ATP8A2: variants seen among roughly 807,000 people sequenced by gnomAD.
The protein encoded by ATP8A2 is ATPase phospholipid transporting 8A2.
In ATP8A2, 100 loss-of-function variants were observed where a neutral mutation model predicts 165.6. The ratio of observed to expected loss-of-function variants is 0.60; its 90% CI spans 0.51 to 0.71. ATP8A2 has a LOEUF of 0.71. Among genes scored for constraint, ATP8A2 ranks in the 30% least tolerant of loss-of-function variants. The pLI, the probability that ATP8A2 is intolerant of heterozygous loss-of-function variation, is 0.00. For missense variants in ATP8A2, 1,227 were observed against 1,479.5 expected (o/e 0.83, Z 2.80); for synonymous variants, 543 against 548.8 (o/e 0.99, Z 0.15).
intron 24 of ATP8A2, among the ~76,000 whole-genome samples, chr13:25,639,353 G>C (rs970273920): frequency 7.2e-5 from 11 of 152,152 alleles, no homozygotes; most frequent in African/African-American, 2.7e-4. Context: ...GTATTCAGGA[G>C]ACCCATCTCA....
chr13:26,017,548 C>T lies in ATP8A2; in HGVS notation c.3470-2340C>T, dbSNP rs75871501. ...AGAGGGAGGCAGGAGGCTGGGGCAG[C>T]TCCTCCAAAGCTGGGCAACGGAGGT... On this transcript the variant is annotated intron_variant, in intron 36 of 36. Coordinates refer to ENST00000381655, the MANE Select transcript of ATP8A2 (RefSeq NM_016529.6). 8.8e-4 allele frequency among the ~76,000 whole-genome samples: 134 copies of T among 152,356 alleles called. 2 individuals carry two copies. The East Asian group carries it at 0.023, about 26-fold the overall frequency.
chr13:25,387,919 C>T (rs771107366), intron 1 of ATP8A2, among the ~76,000 whole-genome samples: 1 of 151,888 alleles, frequency 6.6e-6, no homozygotes, highest in Non-Finnish European at 1.5e-5. Context: ...TAAAATTAGC[C>T]AGGTGTGGTG....
rs1955426667 is a variant in ATP8A2 at position 25,953,427 on chromosome 13, C to G, written c.3184-8148C>G. Among the ~76,000 whole-genome samples, 1 of 150,564 alleles carries G rather than the reference C, an allele frequency of 6.6e-6. No individual in the cohort carries two copies. Among genetic ancestry groups the G allele is most frequent in the Admixed American group, 6.7e-5 (1 of 14,954 alleles). On this transcript the variant is annotated intron_variant, in intron 33 of 36. Coordinates refer to ENST00000381655, the MANE Select transcript of ATP8A2 (RefSeq NM_016529.6). The surrounding 1 kb of genome is among the most constrained non-coding windows in gnomAD (Gnocchi z 6.7). Reference sequence around the variant, plus strand: ...GAGCTTCCTTCTCCTCACAGGTGAACTGTTGCTGCTCCACCTTTATTACAT... The same window carrying G: ...GAGCTTCCTTCTCCTCACAGGTGAAGTGTTGCTGCTCCACCTTTATTACAT...
chr13:25,601,178 A>C (rs992319297), intron 24 of ATP8A2, among the ~76,000 whole-genome samples: 2 of 152,228 alleles, frequency 1.3e-5, no homozygotes, highest in Admixed American at 1.3e-4. Context: ...TGCTTTCTGT[A>C]CTTAGAAAAG....
At chr13:25,864,411 G>A (rs771801670) in intron 33 of ATP8A2, among the ~76,000 whole-genome samples, 7 of 152,100 alleles carry the variant, frequency 4.6e-5, no homozygotes, top group Non-Finnish European at 8.8e-5. Flanking sequence ...TCGAGATACC[G>A]ACTTTCCAAC....
chr13:25,431,138 C>T (rs2034599145), intron 1 of ATP8A2, among the ~76,000 whole-genome samples: 1 of 82,474 alleles, frequency 1.2e-5, no homozygotes, highest in African/African-American at 3.8e-5. Flanking sequence ...TTTCTCTAAA[C>T]AGATTTTATT....
chr13:25,977,026 T>TCCCCCC (rs1566319946), intron 35 of ATP8A2, among the ~76,000 whole-genome samples: 1 of 125,370 alleles, frequency 8.0e-6, no homozygotes, highest in Admixed American at 8.6e-5. Context: ...GACCTTGTGA[T>TCCCCCC]CCACCCCCAC....
chr13:25,573,127 A>G (rs1008325133), intron 18 of ATP8A2, among the ~76,000 whole-genome samples: 3 of 152,196 alleles, frequency 2.0e-5, no homozygotes, highest in Admixed American at 1.3e-4. Flanking sequence ...TTTTTTAAAA[A>G]TGAGGTCTTT....
intron 25 of ATP8A2, among the ~76,000 whole-genome samples, chr13:25,734,039 T>A (rs1020856562): frequency 6.6e-6 from 1 of 152,230 alleles, no homozygotes; most frequent in Admixed American, 6.5e-5. Flanking sequence ...AATTACCCTT[T>A]AACTTTCTCT....
chr13:25,411,374 T>G (rs2033960435), intron 1 of ATP8A2, among the ~76,000 whole-genome samples: 1 of 152,228 alleles, frequency 6.6e-6, no homozygotes, highest in Non-Finnish European at 1.5e-5. Context: ...GAGAATCTAA[T>G]GTTTGCTTCA....
In ATP8A2 at chr13:25,578,821, G is replaced by A. The variant is rs946221623; in HGVS notation, c.1789G>A (p.Val597Met). The part of the protein sequence containing the change: ...LRLYCKGADN[V>M]IFERLSKDSK... ...ATGTTTCCCTATTTTATAGGATAAT[G>A]TGATTTTTGAGAGACTTTCAAAAGA... The change falls in exon 21 of 37, where the codon GTG becomes ATG. Residue 597 changes from valine (V) to methionine (M), a missense_variant. Val to Met is a conservative substitution (Grantham distance 21). This residue lies in a region of ATP8A2 where 592 missense variants were observed against 785.6 expected (regional missense o/e 0.75). Transcript: ENST00000381655. 5 of 1,575,950 alleles carry A rather than the reference G, an allele frequency of 3.2e-6. No homozygotes were observed. The highest frequency in any genetic ancestry group is 4.5e-5 in the East Asian group (2 of 44,662).
At chr13:25,544,287 G>A (rs1331732170) in intron 10 of ATP8A2, among the ~76,000 whole-genome samples, 1 of 152,178 alleles carries the variant, frequency 6.6e-6, no homozygotes, top group Non-Finnish European at 1.5e-5. Flanking sequence ...TGTATAGGAG[G>A]GTCATTCAAC....
chr13:25,726,754 ACATCTTTGGG>A (rs1024523050), intron 25 of ATP8A2, among the ~76,000 whole-genome samples: 6 of 152,162 alleles, frequency 3.9e-5, no homozygotes, highest in African/African-American at 1.2e-4. Context: ...TAGGGTGTGG[ACATCTTTGGG>A]GGCTGTTATT....
At chr13:25,500,321 A>G (rs2036815698) in intron 2 of ATP8A2, among the ~76,000 whole-genome samples, 2 of 152,184 alleles carry the variant, frequency 1.3e-5, no homozygotes, top group Non-Finnish European at 2.9e-5. Context: ...GCTTTTCTGA[A>G]GGTGTAATTG....
At chr13:25,670,393 G>T (rs1306591499) in intron 24 of ATP8A2, among the ~76,000 whole-genome samples, 1 of 152,292 alleles carries the variant, frequency 6.6e-6, no homozygotes, top group African/African-American at 2.4e-5. Context: ...TGAGCCCTGG[G>T]AGCTGGATGG....
At chr13:25,395,446 ATTAC>A (rs1442223119) in intron 1 of ATP8A2, among the ~76,000 whole-genome samples, 1 of 152,168 alleles carries the variant, frequency 6.6e-6, no homozygotes, top group Admixed American at 6.5e-5. Flanking sequence ...AAAAAGGCAG[ATTAC>A]TTGGAGAAAA....
intron 33 of ATP8A2, among the ~76,000 whole-genome samples, chr13:25,932,076 G>A (rs1439143650): frequency 6.6e-6 from 1 of 151,572 alleles, no homozygotes; most frequent in Non-Finnish European, 1.5e-5. Flanking sequence ...AGAAAGAAAG[G>A]GGAAAGCTGG....
intron 25 of ATP8A2, among the ~76,000 whole-genome samples, chr13:25,764,297 A>G (rs2044446617): frequency 6.6e-6 from 1 of 152,222 alleles, no homozygotes; most frequent in African/African-American, 2.4e-5. Context: ...TTAATGAAAT[A>G]CCAATAAAAT....
chr13:25,871,192 CA>C, intron 33 of ATP8A2: 1 of 419,598 alleles, frequency 2.4e-6, no homozygotes, highest in Non-Finnish European at 4.7e-6. Flanking sequence ...TATCTGTCAG[CA>C]AATTAAAGTA....
Sources: allele counts gnomAD v4.1 joint callset (sites outside exome capture counted in the v4.1 genomes callset), GRCh38; gene constraint gnomAD v4.1.1; regional missense constraint gnomAD v4.1.1; non-coding constraint Gnocchi (gnomAD v3.1); transcripts MANE v1.5; gene names NCBI Gene and HGNC (gene_info 2026-07-23, HGNC 2026-07-21).